ABI1: variants seen among roughly 807,000 people sequenced by gnomAD.
ABI1 encodes Abelson interactor 1.
A neutral mutation model predicts 54.6 loss-of-function variants in ABI1; 14 were observed. The observed-to-expected ratio is 0.26, with a 90% CI of 0.17 to 0.40. The LOEUF is 0.40. Among genes scored for constraint, ABI1 ranks in the 10% least tolerant of loss-of-function variants. The pLI is 1.00. For missense variants in ABI1, 443 were observed against 598.3 expected (o/e 0.74, Z 2.71); for synonymous variants, 194 against 209.3 (o/e 0.93, Z 0.63).
intron 2 of ABI1, among the ~76,000 whole-genome samples, chr10:26,781,776 C>T (rs965796890): frequency 2.0e-5 from 3 of 152,154 alleles, no homozygotes; most frequent in African/African-American, 7.2e-5. Context: ...ATCTGGGTCA[C>T]TAATATAGAT....
chr10:26,796,624 A>G (rs1844204861), intron 2 of ABI1, among the ~76,000 whole-genome samples: 1 of 152,242 alleles, frequency 6.6e-6, no homozygotes, highest in African/African-American at 2.4e-5. Context: ...GCATGACTGT[A>G]TTAAGGATTT....
intron 1 of ABI1, 54 bp from the exon 2 acceptor site, chr10:26,823,359 A>G (rs2048108100): frequency 1.5e-6 from 2 of 1,318,880 alleles, no homozygotes; most frequent in Non-Finnish European, 1.0e-6. Context: ...TTCATTAAAT[A>G]TATATTCTAT....
At position 26,748,566 on chromosome 10, in the gene ABI1, A is replaced by T. The variant is rs377616132; in HGVS notation, c.*4T>A. 1.3e-6 allele frequency: 2 copies of T among 1,592,946 alleles called. No individual in the cohort carries two copies. The highest frequency in any genetic ancestry group is 1.7e-6 in the Non-Finnish European group (2 of 1,172,364). On this transcript the variant is annotated 3_prime_UTR_variant, in exon 11 of 11. Coordinates refer to ENST00000376140, the MANE Select transcript of ABI1 (RefSeq NM_001012750.3). The stretch of plus-strand genomic sequence containing the variant: ...AAGAATCTACTTCAAAAGAAAAAAA[A>T]AAATTAATCAGTATAGTGCATGATT...
chr10:26,826,082 G>T (rs1400008848), intron 1 of ABI1, among the ~76,000 whole-genome samples: 2 of 152,214 alleles, frequency 1.3e-5, no homozygotes, highest in Non-Finnish European at 2.9e-5. Flanking sequence ...CCAGAATGGT[G>T]AATCCTTTCC....
intron 1 of ABI1, among the ~76,000 whole-genome samples, chr10:26,836,407 C>T (rs796505404): frequency 4.5e-4 from 69 of 152,332 alleles, no homozygotes; most frequent in African/African-American, 1.6e-3. Flanking sequence ...GCCACTACGC[C>T]TGACCTCTTG....
Position 26,765,328 on chromosome 10 carries a change from A to G in ABI1, c.720-10T>C. The G allele has an allele frequency of 6.4e-7, 1 of 1,555,344 alleles. No individual in the cohort carries two copies. Among genetic ancestry groups the G allele is most frequent in the Non-Finnish European group, 8.7e-7 (1 of 1,154,304 alleles). On this transcript the variant is annotated splice_polypyrimidine_tract_variant and intron_variant, in intron 6 of 10. Transcript: ENST00000376140. ...TCCTCCACTACTTCCACTGAAAAGA[A>G]AAAAAAAAACTGTGAAAAACCAATT...
chr10:26,755,810 C>T (rs1838232556), intron 8 of ABI1, 69 bp from the exon 9 acceptor site: 4 of 1,159,636 alleles, frequency 3.4e-6, no homozygotes, highest in African/African-American at 3.1e-5. Context: ...AAACAAAAAG[C>T]AGAAGTCAGT....
intron 2 of ABI1, among the ~76,000 whole-genome samples, chr10:26,813,356 G>C (rs1235781205): frequency 1.3e-5 from 2 of 151,072 alleles, no homozygotes; most frequent in East Asian, 3.9e-4. Flanking sequence ...CTTCATAATG[G>C]GGATAATGGC....
At chr10:26,772,611 T>C (rs1410823583) in intron 3 of ABI1, among the ~76,000 whole-genome samples, 5 of 152,172 alleles carry the variant, frequency 3.3e-5, no homozygotes, top group Admixed American at 1.3e-4. Context: ...GCCTCCTCTA[T>C]TAAGTGTTAT....
intron 2 of ABI1, among the ~76,000 whole-genome samples, chr10:26,809,201 C>T (rs1464944852): frequency 2.0e-5 from 3 of 149,244 alleles, no homozygotes; most frequent in Non-Finnish European, 3.0e-5. Flanking sequence ...ACCCGGGAGG[C>T]GGAGGTTGCA....
At chr10:26,770,554 G>A (rs187177215) in intron 4 of ABI1, 39 of 722,072 alleles carry the variant, frequency 5.4e-5, no homozygotes, top group African/African-American at 4.8e-4. Flanking sequence ...TCACATTGTA[G>A]CCAAATACAG....
chr10:26,775,762 A>T (rs1330923655), intron 3 of ABI1, among the ~76,000 whole-genome samples: 3 of 151,772 alleles, frequency 2.0e-5, no homozygotes, highest in African/African-American at 7.3e-5. Context: ...TACTAAGACA[A>T]TGACAGAAAA....
intron 1 of ABI1, among the ~76,000 whole-genome samples, chr10:26,829,198 C>A (rs1266500999): frequency 5.9e-5 from 9 of 151,402 alleles, no homozygotes; most frequent in African/African-American, 1.9e-4. Context: ...TGCACTCCAA[C>A]CTAGGTGACA....
chr10:26,811,557 A>G (rs1388119132), intron 2 of ABI1, among the ~76,000 whole-genome samples: 1 of 152,222 alleles, frequency 6.6e-6, no homozygotes, highest in Non-Finnish European at 1.5e-5. Context: ...ATCAGTCTTA[A>G]AACAGTAAAG....
chr10:26,750,617 A>C (rs1346048731), intron 10 of ABI1, among the ~76,000 whole-genome samples: 1 of 152,214 alleles, frequency 6.6e-6, no homozygotes, highest in Non-Finnish European at 1.5e-5. Flanking sequence ...TTAACCCAGT[A>C]AAGTCAATAG....
Position 26,860,680 on chromosome 10 carries a change from C to A in ABI1, c.117+67G>T. On this transcript the variant is annotated intron_variant, in intron 1 of 10. Coordinates refer to ENST00000376140, the MANE Select transcript of ABI1 (RefSeq NM_001012750.3). This position sits in a 1 kb window ranked among gnomAD's most constrained non-coding sequence, Gnocchi z 4.1. ...GGTCAGGGCAGTTCCCCACCCCGCCCAGTGGGCTGGTCACTCCGGCGGGTC... is the reference window on the plus strand; with the variant it reads ...GGTCAGGGCAGTTCCCCACCCCGCCAAGTGGGCTGGTCACTCCGGCGGGTC... 5.4e-6 allele frequency: 7 copies of A among 1,295,698 alleles called. No homozygotes were observed. The highest frequency in any genetic ancestry group is 5.6e-6 in the Non-Finnish European group (5 of 895,276). 80.3% of individuals were successfully genotyped at this position (1,295,698 alleles called of 1,614,324 possible).
At chr10:26,807,173 A>G (rs2046928457) in intron 2 of ABI1, among the ~76,000 whole-genome samples, 1 of 152,224 alleles carries the variant, frequency 6.6e-6, no homozygotes, top group Admixed American at 6.5e-5. Context: ...GAAAAAACAA[A>G]CAAAAAATGT....
chr10:26,799,007 A>G (rs937987323), intron 2 of ABI1, among the ~76,000 whole-genome samples: 4 of 152,216 alleles, frequency 2.6e-5, no homozygotes, highest in African/African-American at 9.6e-5. Flanking sequence ...AACAGATGAC[A>G]TAAGTAGAAA....
chr10:26,776,351 C>A (rs1445003397), intron 3 of ABI1, among the ~76,000 whole-genome samples: 1 of 152,142 alleles, frequency 6.6e-6, no homozygotes, highest in Non-Finnish European at 1.5e-5. Flanking sequence ...ATTCTGAAGA[C>A]CAGAATCCAA....
Sources: allele counts gnomAD v4.1 joint callset (sites outside exome capture counted in the v4.1 genomes callset), GRCh38; gene constraint gnomAD v4.1.1; non-coding constraint Gnocchi (gnomAD v3.1); transcripts MANE v1.5; gene names NCBI Gene and HGNC (gene_info 2026-07-23, HGNC 2026-07-21).